The following SNX29 variants were observed in gnomAD, a reference collection of about 807,000 sequenced individuals.
SNX29 encodes the protein sorting nexin 29, also known as sorting nexin-29.
Under a neutral mutation model 102.1 loss-of-function variants are expected in SNX29, and 78 were observed. That is an observed-to-expected ratio of 0.76 (90% confidence interval 0.64 to 0.92). SNX29 has a LOEUF of 0.92. Among genes scored for constraint, SNX29 ranks in the 40% least tolerant of loss-of-function variants. The pLI is 0.00. For missense variants in SNX29, 1,280 were observed against 1,061.7 expected (o/e 1.21, Z -2.86); for synonymous variants, 580 against 414.5 (o/e 1.40, Z -4.85).
chr16:12,392,762 AAAC>A (rs1354194240), intron 16 of SNX29, among the ~76,000 whole-genome samples: 2 of 152,358 alleles, frequency 1.3e-5, no homozygotes, highest in East Asian at 1.9e-4. Context: ...CAGAGAACAA[AAAC>A]AACAACAAAA....
rs528116490 is a variant in SNX29 at position 12,518,051 on chromosome 16, G to T, written c.2179-6651G>T. Among the ~76,000 whole-genome samples the T allele has an allele frequency of 3.9e-5, 6 of 152,312 alleles. No homozygotes were observed. In the South Asian group the frequency reaches 1.2e-3, roughly 32 times the overall value. On this transcript the variant is annotated intron_variant, in intron 19 of 20. Coordinates refer to ENST00000566228, the MANE Select transcript of SNX29 (RefSeq NM_032167.5). ...AAGAGAGGTTAGCAAGGCGTGCTGC[G>T]GCCACGCGGCAAGGTTCCCATGAGC...
chr16:12,004,598 T>C (rs76236800), intron 3 of SNX29, among the ~76,000 whole-genome samples: 4,865 of 152,226 alleles, frequency 0.032, 259 homozygotes, highest in African/African-American at 0.11. Flanking sequence ...GCTTGCTCAA[T>C]GTTCATCTCA....
intron 10 of SNX29, among the ~76,000 whole-genome samples, 164 bp downstream of exon 10, chr16:12,069,296 G>A (rs996338400): frequency 6.6e-6 from 1 of 151,928 alleles, no homozygotes; most frequent in African/African-American, 2.4e-5. Context: ...GATGGAGCCC[G>A]GTTCTGTTGC....
intron 16 of SNX29, among the ~76,000 whole-genome samples, chr16:12,397,585 T>C (rs1368608191): frequency 6.6e-6 from 1 of 152,196 alleles, no homozygotes; most frequent in African/African-American, 2.4e-5. Flanking sequence ...TTTCTCATAG[T>C]CTTGATCCTC....
intron 16 of SNX29, among the ~76,000 whole-genome samples, chr16:12,393,084 G>T (rs540231608): frequency 6.6e-6 from 1 of 152,320 alleles, no homozygotes; most frequent in African/African-American, 2.4e-5. Flanking sequence ...TTGCATAAGG[G>T]CAGGCTATTT....
chr16:12,540,463 T>G (rs963386181), intron 20 of SNX29, among the ~76,000 whole-genome samples: 1 of 152,248 alleles, frequency 6.6e-6, no homozygotes, highest in African/African-American at 2.4e-5. Context: ...AGATCCGTCT[T>G]ACTAGGCTAC....
intron 19 of SNX29, among the ~76,000 whole-genome samples, chr16:12,505,231 C>G (rs543227257): frequency 2.0e-4 from 31 of 152,302 alleles, no homozygotes; most frequent in Non-Finnish European, 3.7e-4. Context: ...GTGTCTTAGT[C>G]TGTTCAGGCT....
In SNX29 at chr16:12,457,782, G is replaced by C. The variant is rs185008333; in HGVS notation, c.2038-19937G>C. Reference sequence around the variant, plus strand: ...AGGAAATTTTAAAACAAAATTGAATGCTATCTTACGGGCATTGTTATGAGA... The same window carrying C: ...AGGAAATTTTAAAACAAAATTGAATCCTATCTTACGGGCATTGTTATGAGA... On this transcript the variant is annotated intron_variant, in intron 18 of 20. Transcript: ENST00000566228. Among the ~76,000 whole-genome samples, 197 of 152,308 alleles carry C rather than the reference G, an allele frequency of 1.3e-3. 1 individual carries two copies. The highest frequency in any genetic ancestry group is 2.9e-3 in the South Asian group (14 of 4,830).
chr16:12,170,009 G>C (rs1368719847), intron 13 of SNX29, among the ~76,000 whole-genome samples: 1 of 152,138 alleles, frequency 6.6e-6, no homozygotes, highest in Non-Finnish European at 1.5e-5. Flanking sequence ...TCAAGTTCTA[G>C]ATCGGGTTTC....
intron 13 of SNX29, among the ~76,000 whole-genome samples, chr16:12,165,745 G>A (rs936799058): frequency 9.2e-5 from 14 of 152,224 alleles, no homozygotes; most frequent in African/African-American, 3.1e-4. Context: ...TGTGTGTTCA[G>A]TGGAGACGGT....
chr16:12,419,384 G>C (rs569377189), intron 18 of SNX29, among the ~76,000 whole-genome samples: 32 of 152,204 alleles, frequency 2.1e-4, no homozygotes, highest in African/African-American at 7.7e-4. Flanking sequence ...GGAGACAGCT[G>C]ACCACCTCAT....
chr16:12,379,246 C>T (rs1393678392), intron 16 of SNX29, among the ~76,000 whole-genome samples: 1 of 152,194 alleles, frequency 6.6e-6, no homozygotes, highest in Non-Finnish European at 1.5e-5. Flanking sequence ...AAATTATCCT[C>T]CCACTTCAGG....
At chr16:12,489,712 G>A (rs574374149) in intron 19 of SNX29, among the ~76,000 whole-genome samples, 11 of 152,320 alleles carry the variant, frequency 7.2e-5, no homozygotes, top group Non-Finnish European at 1.0e-4. Context: ...TTTGTGATTG[G>A]TGACAACTCC....
intron 14 of SNX29, among the ~76,000 whole-genome samples, chr16:12,213,062 C>T (rs184716814): frequency 4.6e-5 from 7 of 152,134 alleles, no homozygotes; most frequent in East Asian, 1.9e-4. Flanking sequence ...TGCAGTGAGC[C>T]GAGATCGTGC....
chr16:12,538,770 C>T (rs532694794), intron 20 of SNX29, among the ~76,000 whole-genome samples: 5 of 152,154 alleles, frequency 3.3e-5, no homozygotes, highest in Non-Finnish European at 4.4e-5. Context: ...AAGCTGTGAG[C>T]ATGTCACATC....
chr16:12,250,001 CAATG>C (rs1567356937), intron 14 of SNX29, among the ~76,000 whole-genome samples: 1 of 152,200 alleles, frequency 6.6e-6, no homozygotes, highest in Non-Finnish European at 1.5e-5. Flanking sequence ...GGAGCAATCT[CAATG>C]AAGTGTGGGC....
intron 14 of SNX29, among the ~76,000 whole-genome samples, chr16:12,254,619 T>C (rs944753274): frequency 4.0e-5 from 6 of 150,386 alleles, no homozygotes; most frequent in African/African-American, 1.5e-4. Context: ...CCAGCCTGGG[T>C]GACAGAGCAC....
chr16:12,422,441 C>T (rs1411005272), intron 18 of SNX29, among the ~76,000 whole-genome samples: 1 of 152,214 alleles, frequency 6.6e-6, no homozygotes, highest in Non-Finnish European at 1.5e-5. Context: ...GGTAACATAA[C>T]TGTTACTTCG....
intron 20 of SNX29, among the ~76,000 whole-genome samples, chr16:12,537,944 C>G (rs1222697610): frequency 2.7e-5 from 4 of 148,842 alleles, no homozygotes; most frequent in African/African-American, 7.5e-5. Context: ...GAGATCGTGC[C>G]ACTGCACTCC....
Sources: allele counts gnomAD v4.1 joint callset (sites outside exome capture counted in the v4.1 genomes callset), GRCh38; gene constraint gnomAD v4.1.1; transcripts MANE v1.5; gene names NCBI Gene and HGNC (gene_info 2026-07-23, HGNC 2026-07-21).